The following HDAC9 variants were observed in gnomAD, a reference collection of about 807,000 sequenced individuals.
The protein encoded by HDAC9 is histone deacetylase 9, also known as MEF-2 interacting transcription repressor (MITR) protein.
In HDAC9, 41 loss-of-function variants were observed where a neutral mutation model predicts 139.4. That is an observed-to-expected ratio of 0.29 (90% CI 0.23 to 0.38). The LOEUF (loss-of-function observed/expected upper bound fraction) is 0.38, where lower values mean the gene tolerates loss of function less well. HDAC9 is among the 10% of genes least tolerant of loss of function. The probability of loss-of-function intolerance (pLI) is 1.00; values close to 1 mark genes in which losing one functional copy is unlikely to be tolerated. For synonymous variants in HDAC9, 517 were observed against 476.2 expected (o/e 1.09, Z -1.12); for missense variants, 1,147 against 1,297.0 (o/e 0.88, Z 1.78).
chr7:18,413,806 G>A (rs548154249), intron 1 of HDAC9, among the ~76,000 whole-genome samples: 2 of 152,032 alleles, frequency 1.3e-5, no homozygotes. Context: ...GGTGTTTTTT[G>A]CTGCCTAAAA....
intron 2 of HDAC9, among the ~76,000 whole-genome samples, chr7:18,574,383 G>A (rs1027431401): frequency 2.0e-5 from 3 of 152,218 alleles, no homozygotes; most frequent in Non-Finnish European, 2.9e-5. Flanking sequence ...GTCCAGGGTC[G>A]TTATGCGCTT....
chr7:18,605,772 C>G (rs1434039881), intron 6 of HDAC9, among the ~76,000 whole-genome samples: 1 of 152,078 alleles, frequency 6.6e-6, no homozygotes, highest in Admixed American at 6.5e-5. Context: ...GCTCCGCCTC[C>G]CAGGTTCACG....
intron 1 of HDAC9, among the ~76,000 whole-genome samples, chr7:18,486,048 A>G (rs773899593): frequency 1.3e-5 from 2 of 152,106 alleles, no homozygotes; most frequent in African/African-American, 4.8e-5. Flanking sequence ...TTCTTATTTC[A>G]TCATCCCGTG....
intron 1 of HDAC9, among the ~76,000 whole-genome samples, chr7:18,462,898 A>G (rs1015778201): frequency 6.6e-6 from 1 of 151,954 alleles, no homozygotes; most frequent in African/African-American, 2.4e-5. Context: ...ATGCCATAGG[A>G]TAACATATAA....
chr7:18,852,374 G>A (rs60304092), intron 21 of HDAC9, among the ~76,000 whole-genome samples: 49 of 152,302 alleles, frequency 3.2e-4, no homozygotes, highest in African/African-American at 1.1e-3. Flanking sequence ...ACTTGAGGAC[G>A]ATTAGAGTCA....
rs182224131 is a variant in HDAC9, at chr7:18,590,199, G to A, written c.265-137G>A. The A allele has an allele frequency of 1.9e-4, 173 of 914,582 alleles. 2 individuals are homozygous for A. In the Admixed American group the frequency reaches 2.2e-3, roughly 12 times the overall value. The allele number at this position is 914,582 out of a possible 1,614,324, so 56.7% of individuals were successfully genotyped here. A position where few individuals can be genotyped will look rare whatever the true frequency, so the allele number is the denominator to read the frequency against. The stretch of plus-strand genomic sequence containing the variant: ...TAGTTGCTTGTCCTTAGATTTCAAT[G>A]ATTTACAGAAAAAGTGGGTACAAAT... On this transcript the variant is annotated intron_variant, in intron 3 of 25. Transcript: ENST00000686413.
chr7:18,195,762 G>T (rs1790681141), intron 2 of HDAC9, among the ~76,000 whole-genome samples: 1 of 151,806 alleles, frequency 6.6e-6, no homozygotes, highest in Non-Finnish European at 1.5e-5. Flanking sequence ...CCTCTTTTTT[G>T]CAGCCATATC....
chr7:18,818,260 A>G (rs545034116), intron 17 of HDAC9, among the ~76,000 whole-genome samples: 11 of 152,336 alleles, frequency 7.2e-5, no homozygotes, highest in African/African-American at 2.6e-4. Flanking sequence ...TGAACTCTAA[A>G]TTACCAGTAC....
intron 2 of HDAC9, among the ~76,000 whole-genome samples, chr7:18,191,757 T>G (rs1163849084): frequency 6.6e-6 from 1 of 152,240 alleles, no homozygotes; most frequent in African/African-American, 2.4e-5. Flanking sequence ...TTTTGAAAAC[T>G]TATGAATTTG....
At chr7:18,132,777 T>G (rs1032596362) in intron 1 of HDAC9, among the ~76,000 whole-genome samples, 1 of 152,124 alleles carries the variant, frequency 6.6e-6, no homozygotes, top group African/African-American at 2.4e-5. Flanking sequence ...AAATAAAGAG[T>G]TGGGCCTAGA....
intron 25 of HDAC9, among the ~76,000 whole-genome samples, chr7:18,982,341 A>G (rs1585475453): frequency 1.3e-5 from 2 of 151,966 alleles, no homozygotes; most frequent in South Asian, 4.2e-4. Context: ...ACCCTTCAAT[A>G]CTTTTCCATT....
At chr7:18,646,686 TG>T (rs1207858043) in intron 9 of HDAC9, among the ~76,000 whole-genome samples, 1 of 152,150 alleles carries the variant, frequency 6.6e-6, no homozygotes, top group Non-Finnish European at 1.5e-5. Context: ...TTTTGAAAGA[TG>T]AAACATGAGT....
chr7:18,666,375 C>A lies in HDAC9; in HGVS notation c.1630C>A (p.Gln544Lys). 6.2e-7 allele frequency: 1 copy of A among 1,613,152 alleles called. No individual in the cohort carries two copies. Among genetic ancestry groups the A allele is most frequent in the South Asian group, 1.1e-5 (1 of 91,080 alleles). ...TGCTTGTGTGGATGACACACTGGGA[C>A]AAGTTGGGGCTGTGAAGGTCAAGGA... ...SSACVDDTLG[Q>K]VGAVKVKEEP... is the part of the protein sequence containing the mutation. Residue 544 changes from glutamine to lysine, a missense_variant, in exon 12 of 26, where the codon CAA becomes AAA. Physicochemically the swap from Gln to Lys is moderately conservative, Grantham distance 53 (BLOSUM62 1). Coordinates refer to ENST00000686413, the MANE Select transcript of HDAC9 (RefSeq NM_178425.4).
At chr7:18,372,003 A>G (rs540809833) in intron 1 of HDAC9, among the ~76,000 whole-genome samples, 3 of 152,198 alleles carry the variant, frequency 2.0e-5, no homozygotes, top group Non-Finnish European at 4.4e-5. Flanking sequence ...TTAAAATTGA[A>G]TAGTAACCTG....
intron 1 of HDAC9, among the ~76,000 whole-genome samples, chr7:18,485,466 T>A (rs1260697985): frequency 6.7e-6 from 1 of 149,904 alleles, no homozygotes; most frequent in Non-Finnish European, 1.5e-5. Context: ...TTATATATAT[T>A]TATTTTTTCT....
intron 21 of HDAC9, among the ~76,000 whole-genome samples, chr7:18,856,438 C>T (rs1797686887): frequency 6.6e-6 from 1 of 152,106 alleles, no homozygotes; most frequent in African/African-American, 2.4e-5. Flanking sequence ...GTTATCTCTC[C>T]ACCACTCATG....
intron 1 of HDAC9, among the ~76,000 whole-genome samples, chr7:18,117,155 C>T (rs550718114): frequency 7.2e-5 from 11 of 152,018 alleles, no homozygotes; most frequent in Non-Finnish European, 1.0e-4. Context: ...CCAGTGAATG[C>T]GACCTTATTT....
intron 6 of HDAC9, among the ~76,000 whole-genome samples, chr7:18,605,184 T>C (rs1392254946): frequency 6.6e-6 from 1 of 152,196 alleles, no homozygotes; most frequent in African/African-American, 2.4e-5. Context: ...ATAGAATTTG[T>C]GTCCTGTAGC....
chr7:18,760,058 G>T lies in HDAC9; in HGVS notation c.2044-2099G>T, dbSNP rs528333096. Among the ~76,000 whole-genome samples, 15 of 152,278 alleles carry T rather than the reference G, an allele frequency of 9.9e-5. No homozygotes were observed. The South Asian group carries it at 3.1e-3, about 32-fold the overall frequency. ...GATCATTAGCTGCAGAGCTGACATT[G>T]TTGAAAATACTGATGTTTCACTGTA... is the stretch of plus-strand genomic sequence containing the variant. On this transcript the variant is annotated intron_variant, in intron 14 of 25. Transcript: ENST00000686413.
Sources: gnomAD v4.1 joint callset for allele counts (sites outside exome capture counted in the v4.1 genomes callset) on GRCh38, gnomAD v4.1.1 for gene constraint, MANE v1.5 for transcripts, NCBI Gene and HGNC (gene_info 2026-07-23, HGNC 2026-07-21) for gene names.